The following PRKAR1A variants were observed in gnomAD, a reference collection of about 807,000 sequenced individuals.
PRKAR1A encodes the protein protein kinase cAMP-dependent type I regulatory subunit alpha, also known as cAMP-dependent protein kinase type I-alpha regulatory subunit.
PRKAR1A carries 3 observed loss-of-function variants against 52.0 expected under a neutral mutation model. That is an observed-to-expected ratio of 0.06 (90% CI 0.03 to 0.15). The LOEUF (loss-of-function observed/expected upper bound fraction) is 0.15, where lower values mean the gene tolerates loss of function less well. PRKAR1A is among the 10% of genes least tolerant of loss of function. The pLI is 1.00. For missense variants in PRKAR1A, 240 were observed against 477.4 expected (o/e 0.50, Z 4.63); for synonymous variants, 188 against 168.4 (o/e 1.12, Z -0.90).
chr17:68,529,769 G>T, intron 9 of PRKAR1A, 151 bp from the exon 10 acceptor site: 1 of 786,372 alleles, frequency 1.3e-6, no homozygotes. Flanking sequence ...TGGTAAAATA[G>T]AAATTGAAGC....
the PRKAR1A span, among the ~76,000 whole-genome samples, chr17:68,430,355 T>G: frequency 6.6e-6 from 1 of 152,206 alleles, no homozygotes; most frequent in Non-Finnish European, 1.5e-5. Flanking sequence ...AAGGGCTTGT[T>G]TGTTCTTCAG....
chr17:68,531,861 CT>C lies in PRKAR1A; in HGVS notation c.*1416del. The C allele has an allele frequency of 9.6e-7, 1 of 1,039,798 alleles. No individual in the cohort carries two copies. The highest frequency in any genetic ancestry group is 1.2e-6 in the Non-Finnish European group (1 of 855,926). 64.4% of individuals were successfully genotyped at this position (1,039,798 alleles called of 1,614,324 possible). A position where few individuals can be genotyped will look rare whatever the true frequency, so the allele number is the denominator to read the frequency against. Reference sequence around the variant, plus strand: ...ATTTCACAGTTCTGTAATGTAGGCACTTTTATTTTCATTGTGATTTATATAT... The same window carrying C: ...ATTTCACAGTTCTGTAATGTAGGCACTTTATTTTCATTGTGATTTATATAT... On this transcript the variant is annotated 3_prime_UTR_variant, in exon 11 of 11. Coordinates refer to ENST00000589228, the MANE Select transcript of PRKAR1A (RefSeq NM_002734.5).
rs886053312 is a variant in PRKAR1A at position 68,531,560 on chromosome 17, C to CT, written c.*1118dup. The CT allele has an allele frequency of 2.6e-5, 28 of 1,066,094 alleles. No individual in the cohort carries two copies. The African/African-American group carries it at 4.1e-4, about 16-fold the overall frequency. 66.0% of individuals were successfully genotyped at this position (1,066,094 alleles called of 1,614,324 possible). The stretch of plus-strand genomic sequence containing the variant: ...AAGAAGTTTTTTACTTTGGTTTAGT[C>CT]TTTTTTTCCTTCCTTTTTATTCAGC... On this transcript the variant is annotated 3_prime_UTR_variant, in exon 11 of 11. Coordinates refer to ENST00000589228, the MANE Select transcript of PRKAR1A (RefSeq NM_002734.5).
chr17:68,464,359 C>G, the PRKAR1A span, among the ~76,000 whole-genome samples: 2 of 152,174 alleles, frequency 1.3e-5, no homozygotes, highest in African/African-American at 4.8e-5. Flanking sequence ...GGCAAAAAGC[C>G]CTTTCCCACA....
the PRKAR1A span, among the ~76,000 whole-genome samples, chr17:68,415,101 G>A: frequency 6.6e-6 from 1 of 152,022 alleles, no homozygotes; most frequent in Non-Finnish European, 1.5e-5. Context: ...CTAGTTCCTT[G>A]AGGTATGACC....
At chr17:68,548,834 G>C (rs879915247) in intron 11 of PRKAR1A, among the ~76,000 whole-genome samples, 1 of 140,724 alleles carries the variant, frequency 7.1e-6, no homozygotes, top group African/African-American at 2.7e-5. Context: ...CCGGGTTCAC[G>C]CCATTCTCCT....
upstream of PRKAR1A, chr17:68,511,963 T>G (rs2085273616): frequency 1.3e-5 from 2 of 151,156 alleles, no homozygotes; most frequent in South Asian, 2.1e-4. Flanking sequence ...CCCACGTGGG[T>G]CGGCCAGGGA....
chr17:68,431,055 T>C, the PRKAR1A span, among the ~76,000 whole-genome samples: 1 of 152,210 alleles, frequency 6.6e-6, no homozygotes, highest in Non-Finnish European at 1.5e-5. Flanking sequence ...CGAAGCATCC[T>C]GAGACATCCT....
At chr17:68,537,488 A>G (rs149451535), downstream of PRKAR1A, 1 of 1,614,056 alleles carries the variant, frequency 6.2e-7, no homozygotes, top group East Asian at 2.2e-5. The surrounding 1 kb of genome is among the most constrained non-coding windows in gnomAD (Gnocchi z 4.2). Flanking sequence ...TAGCTTGTCA[A>G]GTTAGCCTGG....
rs2143391217 is a variant in PRKAR1A at position 68,530,372 on chromosome 17, C to T, written c.1069C>T (p.Arg357Cys). Residue 357 changes from arginine (R) to cysteine (C), a missense_variant, in exon 11 of 11, where the codon CGT becomes TGT. Coordinates refer to ENST00000589228, the MANE Select transcript of PRKAR1A (RefSeq NM_002734.5). Reference protein sequence around the residue: ...CVKLDRPRFERVLGPCSDILK... With the variant: ...CVKLDRPRFECVLGPCSDILK... ...TAAGCTGGACCGACCTAGATTTGAA[C>T]GTGTTCTTGGCCCATGCTCAGACAT... 1.9e-6 allele frequency: 3 copies of T among 1,614,118 alleles called. No homozygotes were observed. Among genetic ancestry groups the T allele is most frequent in the Non-Finnish European group, 2.5e-6 (3 of 1,179,974 alleles).
chr17:68,419,781 G>A, the PRKAR1A span, among the ~76,000 whole-genome samples: 2,492 of 147,418 alleles, frequency 0.017, 77 homozygotes, highest in African/African-American at 0.061. Flanking sequence ...GGAACATAGC[G>A]GGACCCTGTC....
intron 10 of PRKAR1A, 27 bp downstream of exon 10, chr17:68,530,028 T>C: frequency 6.2e-7 from 1 of 1,603,378 alleles, no homozygotes; most frequent in Non-Finnish European, 8.5e-7. Flanking sequence ...TCACAATAAA[T>C]ACATGGTTTC....
chr17:68,489,206 ATATATATATATATATATATATATGGAAAG>A, the PRKAR1A span, among the ~76,000 whole-genome samples: 15 of 40,260 alleles, frequency 3.7e-4, no homozygotes, highest in African/African-American at 6.0e-4. Context: ...ATATATATAT[ATATATATATATATATATATATATGGAAAG>A]TATATATATA....
the PRKAR1A span, among the ~76,000 whole-genome samples, chr17:68,479,883 C>T: frequency 6.6e-6 from 1 of 152,208 alleles, no homozygotes; most frequent in South Asian, 2.1e-4. Context: ...CGTCCTTCTT[C>T]ACATGGCAGC....
Position 68,540,975 on chromosome 17 carries a change from G to C in PRKAR1A, c.974-10109G>C, listed in dbSNP as rs1031918370. ...ACCTCCCACCTGAGGGGGAGAAGAA[G>C]TCCTGGGGCTGGAAAAGCCAAGATG... On this transcript the variant is annotated intron_variant, in intron 11 of 11. Coordinates refer to the PRKAR1A transcript ENST00000585981. 4 of 1,567,882 alleles carry C rather than the reference G, an allele frequency of 2.6e-6. No homozygotes were observed. In the East Asian group the frequency reaches 7.0e-5, roughly 27 times the overall value.
chr17:68,456,085 T>C, the PRKAR1A span, among the ~76,000 whole-genome samples: 1 of 152,234 alleles, frequency 6.6e-6, no homozygotes, highest in Non-Finnish European at 1.5e-5. Flanking sequence ...ACATGATATT[T>C]TGTGAATAGT....
rs566222997 is a variant in PRKAR1A at position 68,514,219 on chromosome 17, A to G, written c.-6-1175A>G. Among the ~76,000 whole-genome samples the G allele has an allele frequency of 5.9e-5, 9 of 152,352 alleles. No homozygotes were observed. The South Asian group carries it at 1.7e-3, about 28-fold the overall frequency. ...TGGTGAAAGTTGTCAAAACAAAATG[A>G]GTAACAGTGTAGCACTTTAGAATAG... is the stretch of plus-strand genomic sequence containing the variant. On this transcript the variant is annotated intron_variant, in intron 1 of 10. Coordinates refer to ENST00000589228, the MANE Select transcript of PRKAR1A (RefSeq NM_002734.5).
chr17:68,515,463 G>C lies in PRKAR1A; in HGVS notation c.64G>C (p.Val22Leu). 2 of 1,613,674 alleles carry C rather than the reference G, an allele frequency of 1.2e-6. No homozygotes were observed. Among genetic ancestry groups the C allele is most frequent in the East Asian group, 2.2e-5 (1 of 44,888 alleles). The change falls in exon 2 of 11, where the codon GTC becomes CTC. Residue 22 changes from valine to leucine, a missense_variant. Val to Leu is a conservative substitution (Grantham distance 32). This residue lies in a region of PRKAR1A where 107 missense variants were observed against 114.6 expected (regional missense o/e 0.93). Transcript: ENST00000589228. Reference protein sequence around the residue: ...ARSLRECELYVQKHNIQALLK... With the variant: ...ARSLRECELYLQKHNIQALLK... ...CAGCCTTCGAGAATGTGAGCTCTAC[G>C]TCCAGAAGCATAACATTCAAGCGCT...
the PRKAR1A span, among the ~76,000 whole-genome samples, chr17:68,442,479 A>G: frequency 1.3e-5 from 2 of 151,968 alleles, no homozygotes; most frequent in African/African-American, 4.8e-5. Flanking sequence ...AAAAAAAAAA[A>G]AAAAGGAGAA....
Sources: gnomAD v4.1 joint callset for allele counts (sites outside exome capture counted in the v4.1 genomes callset) on GRCh38, gnomAD v4.1.1 for gene constraint, gnomAD v4.1.1 regional missense constraint, Gnocchi (gnomAD v3.1) non-coding constraint, MANE v1.5 for transcripts, NCBI Gene and HGNC (gene_info 2026-07-23, HGNC 2026-07-21) for gene names.